Variants in SCN1A observed in about 807,000 individuals in gnomAD.
SCN1A encodes sodium voltage-gated channel alpha subunit 1.
Under a neutral mutation model 193.7 loss-of-function variants are expected in SCN1A, and 13 were observed. The observed-to-expected ratio is 0.07, with a 90% CI of 0.04 to 0.11. SCN1A has a LOEUF of 0.11. SCN1A is among the 10% of genes least tolerant of loss of function. The pLI is 1.00. For synonymous variants in SCN1A, 781 were observed against 843.6 expected (o/e 0.93, Z 1.29); for missense variants, 1,432 against 2,451.1 (o/e 0.58, Z 8.78).
intron 23 of SCN1A, among the ~76,000 whole-genome samples, chr2:166,008,138 T>C (rs1691903605): frequency 6.6e-6 from 1 of 151,164 alleles, no homozygotes; most frequent in Non-Finnish European, 1.5e-5. Context: ...TTTCAAAAAC[T>C]AACCTCTTTT....
upstream of SCN1A, among the ~76,000 whole-genome samples, chr2:166,129,916 G>T (rs924085075): frequency 6.6e-6 from 1 of 152,070 alleles, no homozygotes; most frequent in Non-Finnish European, 1.5e-5. Context: ...GGGTATCTAC[G>T]CAGCTGACCT....
intron 2 of SCN1A, among the ~76,000 whole-genome samples, chr2:166,125,937 T>C (rs1691202149): frequency 6.6e-6 from 1 of 152,188 alleles, no homozygotes; most frequent in South Asian, 2.1e-4. Flanking sequence ...TGTGTTATTG[T>C]TACCAGTATG....
intron 1 of SCN1A, among the ~76,000 whole-genome samples, chr2:166,138,635 G>A (rs891543438): frequency 6.6e-6 from 1 of 152,222 alleles, no homozygotes; most frequent in Admixed American, 6.5e-5. Context: ...GCAAAAGTTT[G>A]CTGCAGGGGT....
chr2:166,044,077 A>G, intron 13 of SCN1A, 28 bp from the exon 14 acceptor site: 1 of 1,612,596 alleles, frequency 6.2e-7, no homozygotes, highest in South Asian at 1.1e-5. Flanking sequence ...CAAACAAATA[A>G]AGTCATATTA....
chr2:166,128,407 A>C (rs953891559), upstream of SCN1A, among the ~76,000 whole-genome samples: 5 of 152,216 alleles, frequency 3.3e-5, no homozygotes, highest in African/African-American at 1.2e-4. Context: ...TCTTATAAAT[A>C]AAACTGTCTT....
At chr2:166,062,837 AG>A (rs1219872379) in intron 4 of SCN1A, among the ~76,000 whole-genome samples, 7 of 146,538 alleles carry the variant, frequency 4.8e-5, no homozygotes, top group African/African-American at 1.5e-4. Flanking sequence ...GAAGTATCTT[AG>A]CATCCTTTAA....
upstream of SCN1A, among the ~76,000 whole-genome samples, chr2:166,130,910 T>C (rs1227907004): frequency 2.0e-5 from 3 of 152,158 alleles, no homozygotes; most frequent in Non-Finnish European, 4.4e-5. Flanking sequence ...CACATATTTA[T>C]TTTTTAAAGT....
intron 1 of SCN1A, among the ~76,000 whole-genome samples, chr2:166,139,252 A>G (rs1291636428): frequency 6.6e-6 from 1 of 152,128 alleles, no homozygotes; most frequent in African/African-American, 2.4e-5. Context: ...TGAGGACATG[A>G]GATTTGGGAG....
At chr2:165,985,123 T>TG (rs1290381520), downstream of SCN1A, 2 of 151,660 alleles carry the variant, frequency 1.3e-5, no homozygotes, top group Non-Finnish European at 2.9e-5. Context: ...ATTTTGAAAA[T>TG]GCAAAGGCAG....
chr2:166,099,162 C>T lies in SCN1A; in HGVS notation c.-141-21361G>A, dbSNP rs568359832. ...ACTGGCACAAAAACAGCTTATCCAC[C>T]ACAATCAAGTGGGCTTCATCCCTGG... On this transcript the variant is annotated intron_variant, in intron 2 of 28. Transcript: ENST00000674923. Among the ~76,000 whole-genome samples the T allele has an allele frequency of 2.4e-4, 36 of 152,222 alleles. No homozygotes were observed. The South Asian group carries it at 7.5e-3, about 32-fold the overall frequency.
Position 165,986,019 on chromosome 2 carries a change from G to T in SCN1A, c.*5226C>A, listed in dbSNP as rs1688586647. 6.6e-6 allele frequency: 1 copy of T among 152,008 alleles called. No individual in the cohort carries two copies. Among genetic ancestry groups the T allele is most frequent in the South Asian group, 2.1e-4 (1 of 4,820 alleles). 9.4% of individuals were successfully genotyped at this position (152,008 alleles called of 1,614,324 possible). On this transcript the variant is annotated 3_prime_UTR_variant, in exon 29 of 29. Coordinates refer to ENST00000674923, the MANE Select transcript of SCN1A (RefSeq NM_001165963.4). Reference sequence around the variant, plus strand: ...TGTCCCAATGGTTACTAGACTTTTGGATTTCATGCACCAGTAAAATACAAA... The same window carrying T: ...TGTCCCAATGGTTACTAGACTTTTGTATTTCATGCACCAGTAAAATACAAA...
At position 166,077,738 on chromosome 2, in the gene SCN1A, CTT is replaced by C. The variant is rs937442539; in HGVS notation, c.-80_-79del. On this transcript the variant is annotated 5_prime_UTR_variant, in exon 3 of 29. In the 5' UTR this introduces an upstream ATG that the reference lacks. Coordinates refer to ENST00000674923, the MANE Select transcript of SCN1A (RefSeq NM_001165963.4). ...AGGATTTAACCAAAGGAGTTGAAAACTTATGTCCACACAAAATCCTGCACACG... is the reference window on the plus strand; with the variant it reads ...AGGATTTAACCAAAGGAGTTGAAAACATGTCCACACAAAATCCTGCACACG... 4 of 152,438 alleles carry C rather than the reference CTT, an allele frequency of 2.6e-5. No homozygotes were observed. The highest frequency in any genetic ancestry group is 7.2e-5 in the African/African-American group (3 of 41,404). The allele number at this position is 152,438 out of a possible 1,614,324, so 9.4% of individuals were successfully genotyped here.
chr2:166,051,418 A>AT (rs1184081412), intron 9 of SCN1A, among the ~76,000 whole-genome samples: 2 of 152,154 alleles, frequency 1.3e-5, no homozygotes, highest in East Asian at 3.9e-4. Context: ...ATTTAAAAAT[A>AT]TTTTTCATTC....
At chr2:166,095,687 C>T (rs191217359) in intron 2 of SCN1A, among the ~76,000 whole-genome samples, 3 of 152,280 alleles carry the variant, frequency 2.0e-5, no homozygotes, top group East Asian at 1.9e-4. Context: ...ATATACTACA[C>T]GCTAACCAAA....
intron 18 of SCN1A, among the ~76,000 whole-genome samples, 189 bp downstream of exon 18, chr2:166,037,587 T>A (rs946592753): frequency 2.1e-5 from 3 of 141,276 alleles, no homozygotes; most frequent in African/African-American, 5.4e-5. Flanking sequence ...TCCAAGGTAA[T>A]GGACTTTTAA....
chr2:166,130,198 C>T (rs1443977812), upstream of SCN1A, among the ~76,000 whole-genome samples: 1 of 152,188 alleles, frequency 6.6e-6, no homozygotes, highest in Admixed American at 6.5e-5. Context: ...GTCCTAACCA[C>T]TTCATTAGCT....
chr2:166,051,115 C>T (rs558566037), intron 9 of SCN1A, among the ~76,000 whole-genome samples: 3 of 151,888 alleles, frequency 2.0e-5, no homozygotes, highest in Non-Finnish European at 4.4e-5. Context: ...TGTATAGCAA[C>T]CAAGGATCCT....
intron 19 of SCN1A, 78 bp from the exon 20 acceptor site, chr2:166,015,805 A>G: frequency 6.5e-7 from 1 of 1,528,290 alleles, no homozygotes; most frequent in Non-Finnish European, 9.0e-7. Context: ...GATTATTACT[A>G]TGAATTTGTT....
chr2:166,081,057 G>A (rs186543592), intron 2 of SCN1A, among the ~76,000 whole-genome samples: 1 of 151,820 alleles, frequency 6.6e-6, no homozygotes, highest in African/African-American at 2.4e-5. Flanking sequence ...TCCCGTAGAA[G>A]AGGACACATG....
Sources: allele counts gnomAD v4.1 joint callset (sites outside exome capture counted in the v4.1 genomes callset), GRCh38; gene constraint gnomAD v4.1.1; transcripts MANE v1.5; gene names NCBI Gene and HGNC (gene_info 2026-07-23, HGNC 2026-07-21).